SVIL: variants seen among roughly 807,000 people sequenced by gnomAD.
The protein encoded by SVIL is supervillin.
SVIL carries 101 observed loss-of-function variants against 240.4 expected under a neutral mutation model. That is an observed-to-expected ratio of 0.42 (90% CI 0.36 to 0.50). SVIL has a LOEUF of 0.50. Among genes scored for constraint, SVIL ranks in the 20% least tolerant of loss-of-function variants. SVIL has a pLI of 0.01. For missense variants in SVIL, 2,512 were observed against 2,818.7 expected, an observed-to-expected ratio of 0.89 and a Z score of 2.46; for synonymous variants, 999 against 1,100.0, an observed-to-expected ratio of 0.91 and a Z score of 1.82.
At chr10:29,571,078 C>T (rs528561954) in intron 1 of SVIL, among the ~76,000 whole-genome samples, 1 of 152,372 alleles carries the variant, frequency 6.6e-6, no homozygotes, top group Non-Finnish European at 1.5e-5. Context: ...AGCTAATTCT[C>T]AGCCAGCAAC....
At chr10:29,679,564 T>C (rs1027117281) in intron 2 of SVIL, among the ~76,000 whole-genome samples, 1 of 151,322 alleles carries the variant, frequency 6.6e-6, no homozygotes, top group African/African-American at 2.4e-5. Context: ...TTTTCCTTTT[T>C]TTTTTTTGAG....
chr10:29,665,789 A>G (rs952388273), intron 2 of SVIL, among the ~76,000 whole-genome samples: 3 of 145,984 alleles, frequency 2.1e-5, no homozygotes, highest in Non-Finnish European at 3.0e-5. Context: ...GTGAGACTCC[A>G]TCTCAAAAAC....
intron 3 of SVIL, among the ~76,000 whole-genome samples, chr10:29,650,116 C>G (rs1958791069): frequency 1.3e-5 from 2 of 152,194 alleles, no homozygotes; most frequent in African/African-American, 4.8e-5. Context: ...CTGTGGTATT[C>G]TGTTATGGCA....
intron 1 of SVIL, among the ~76,000 whole-genome samples, chr10:29,579,367 G>A (rs1955839327): frequency 6.6e-6 from 1 of 152,152 alleles, no homozygotes; most frequent in Non-Finnish European, 1.5e-5. Context: ...GAACCCCAGA[G>A]GTGGAGGTTG....
intron 6 of SVIL, among the ~76,000 whole-genome samples, chr10:29,550,086 A>C (rs958970598): frequency 1.3e-5 from 2 of 151,744 alleles, no homozygotes; most frequent in Non-Finnish European, 2.9e-5. Context: ...GAAACGCACA[A>C]AGAAAAAGAA....
chr10:29,601,338 C>T (rs2505900), intron 1 of SVIL, among the ~76,000 whole-genome samples: 2 of 152,062 alleles, frequency 1.3e-5, no homozygotes, highest in African/African-American at 4.8e-5. Flanking sequence ...AAAATGTGCT[C>T]CTCTGTATCT....
rs913444047 is a variant in SVIL, at chr10:29,508,038, A to G, written c.3516+4697T>C. ...AAATATACCTGAGTCAGCTTTGTGC[A>G]GTAATTAAATGAGTTAATTTATAGA... On this transcript the variant is annotated intron_variant, in intron 17 of 37. Coordinates refer to ENST00000355867, the MANE Select transcript of SVIL (RefSeq NM_021738.3). 4 of 229,420 alleles carry G rather than the reference A, an allele frequency of 1.7e-5. No homozygotes were observed. The Admixed American group carries it at 2.1e-4, about 12-fold the overall frequency. 14.2% of individuals were successfully genotyped at this position (229,420 alleles called of 1,614,324 possible).
intron 1 of SVIL, among the ~76,000 whole-genome samples, chr10:29,591,224 C>A (rs1396305867): frequency 6.6e-6 from 1 of 152,178 alleles, no homozygotes; most frequent in Non-Finnish European, 1.5e-5. Context: ...ACTCTGGGAA[C>A]ACCTGTGCTT....
Position 29,481,700 on chromosome 10 carries a change from T to C in SVIL, c.4984A>G (p.Ile1662Val), listed in dbSNP as rs1451605696. ...TTGTGTTCAGTAAGTCTCCCAAATA[T>C]CGCCCAGTCGGGCCGCCCCTGTCCT... is the stretch of plus-strand genomic sequence containing the variant. ...RKGQGRPDWA[I>V]FGRLTEHNET... is the part of the protein sequence containing the mutation. The change falls in exon 28 of 38, where the codon ATA becomes GTA. Residue 1662 changes from isoleucine to valine, a missense_variant. This residue lies in a region of SVIL where 797 missense variants were observed against 925.3 expected (regional missense o/e 0.86). Transcript: ENST00000355867. 2 of 1,572,600 alleles carry C rather than the reference T, an allele frequency of 1.3e-6. No homozygotes were observed. Among genetic ancestry groups the C allele is most frequent in the South Asian group, 1.1e-5 (1 of 90,426 alleles).
intron 2 of SVIL, among the ~76,000 whole-genome samples, chr10:29,659,792 C>T (rs886326894): frequency 1.1e-4 from 17 of 152,140 alleles, no homozygotes; most frequent in African/African-American, 3.6e-4. Flanking sequence ...TTAAGCAGAC[C>T]GTTTTTTGTT....
intron 6 of SVIL, among the ~76,000 whole-genome samples, chr10:29,540,038 C>T (rs980909691): frequency 1.2e-4 from 18 of 152,164 alleles, no homozygotes; most frequent in Admixed American, 1.0e-3. Context: ...CTCTCACGTG[C>T]GTTACCAAGA....
At position 29,490,995 on chromosome 10, in the gene SVIL, G is replaced by A. The variant is rs558366476; in HGVS notation, c.4044C>T (p.His1348=). ...APKLTSSVAE[H]KRAVRPKRRV... is the part of the protein sequence containing the mutation. ...GGCGCTTGGGCCTAACTGCCCGCTT[G>A]TGCTCGGCCACGGAAGACGTCAATC... The change falls in exon 22 of 38, where the codon CAC becomes CAT. Residue 1348 remains histidine (H), a synonymous_variant. Transcript: ENST00000355867. The A allele has an allele frequency of 6.2e-7, 1 of 1,613,922 alleles. No individual in the cohort carries two copies. The highest frequency in any genetic ancestry group is 2.2e-5 in the East Asian group (1 of 44,874).
intron 4 of SVIL, 21 bp downstream of exon 4, chr10:29,555,030 C>T (rs1213138930): frequency 6.2e-7 from 1 of 1,613,186 alleles, no homozygotes; most frequent in Non-Finnish European, 8.5e-7. Flanking sequence ...TACTTCCTAA[C>T]TCCCACTATA....
chr10:29,676,097 G>T (rs146740263), intron 2 of SVIL, among the ~76,000 whole-genome samples: 2 of 152,028 alleles, frequency 1.3e-5, no homozygotes, highest in Non-Finnish European at 2.9e-5. Context: ...TCTAATTCCT[G>T]TTTCCCATGC....
intron 3 of SVIL, among the ~76,000 whole-genome samples, chr10:29,558,803 C>T (rs751294237): frequency 9.3e-5 from 14 of 151,104 alleles, no homozygotes; most frequent in Non-Finnish European, 1.9e-4. Flanking sequence ...TAGCATGTAT[C>T]TGTAATCCCA....
chr10:29,647,840 C>T (rs976508167), intron 3 of SVIL, among the ~76,000 whole-genome samples: 1 of 151,852 alleles, frequency 6.6e-6, no homozygotes, highest in Non-Finnish European at 1.5e-5. Flanking sequence ...GCTTGCTTTC[C>T]CAATTTAGAA....
intron 1 of SVIL, among the ~76,000 whole-genome samples, chr10:29,605,856 G>C (rs976098780): frequency 1.3e-5 from 2 of 151,706 alleles, no homozygotes; most frequent in African/African-American, 2.4e-5. Flanking sequence ...GGAAAGGTTT[G>C]CCAAATCCAC....
intron 6 of SVIL, chr10:29,545,001 G>A (rs1564612894): frequency 3.7e-6 from 2 of 534,544 alleles, no homozygotes; most frequent in Non-Finnish European, 7.7e-6. Context: ...CAAGATGTAT[G>A]TTTCTCCATG....
chr10:29,504,060 C>T (rs1403194509), intron 17 of SVIL, among the ~76,000 whole-genome samples: 1 of 152,112 alleles, frequency 6.6e-6, no homozygotes, highest in Non-Finnish European at 1.5e-5. Flanking sequence ...GTCAACGGAT[C>T]TTTGAGAAAG....
Sources: gnomAD v4.1 joint callset for allele counts (sites outside exome capture counted in the v4.1 genomes callset) on GRCh38, gnomAD v4.1.1 for gene constraint, gnomAD v4.1.1 regional missense constraint, MANE v1.5 for transcripts, NCBI Gene and HGNC (gene_info 2026-07-23, HGNC 2026-07-21) for gene names.